DTX1: variants seen among roughly 807,000 people sequenced by gnomAD.
DTX1 encodes deltex E3 ubiquitin ligase 1, also known as E3 ubiquitin-protein ligase DTX1.
In DTX1, 26 loss-of-function variants were observed where a neutral mutation model predicts 57.8. The observed-to-expected ratio is 0.45, with a 90% confidence interval of 0.33 to 0.62. The LOEUF is 0.62. Among genes scored for constraint, DTX1 ranks in the 20% least tolerant of loss-of-function variants. DTX1 has a pLI of 0.02. For synonymous variants in DTX1, 398 were observed against 394.1 expected, an observed-to-expected ratio of 1.01 and a Z score of -0.12; for missense variants, 704 against 895.3, an observed-to-expected ratio of 0.79 and a Z score of 2.73.
Position 113,093,237 on chromosome 12 carries a change from C to G in DTX1, c.1003+14C>G. On this transcript the variant is annotated intron_variant, in intron 4 of 9. Coordinates refer to ENST00000548759, the MANE Select transcript of DTX1 (RefSeq NM_004416.3). This position sits in a 1 kb window ranked among gnomAD's most constrained non-coding sequence, Gnocchi z 4.2. ...CGGCCCTGGCAGGTGAGGTCTGGCC[C>G]AGGGCGGGAAAGAAGGGCGGGGCCC... 1.3e-6 allele frequency: 2 copies of G among 1,586,676 alleles called. No homozygotes were observed. The highest frequency in any genetic ancestry group is 8.6e-7 in the Non-Finnish European group (1 of 1,166,674).
At chr12:113,075,968 G>A (rs7960088) in intron 2 of DTX1, among the ~76,000 whole-genome samples, 12,465 of 151,706 alleles carry the variant, frequency 0.082, 1,667 homozygotes, top group African/African-American at 0.27. Flanking sequence ...AGCGAGGGGG[G>A]GACAGACAGA....
chr12:113,081,896 G>A (rs1328711063), intron 3 of DTX1, among the ~76,000 whole-genome samples: 2 of 152,140 alleles, frequency 1.3e-5, no homozygotes, highest in South Asian at 2.1e-4. Flanking sequence ...CCAAATGGGG[G>A]TACAAGGCCA....
chr12:113,071,942 T>C (rs1377139593), intron 2 of DTX1, among the ~76,000 whole-genome samples: 1 of 152,210 alleles, frequency 6.6e-6, no homozygotes, highest in African/African-American at 2.4e-5. Context: ...AATCGATACC[T>C]GGTAAATAGA....
At chr12:113,092,819 TACACC>T (rs1299224564) in intron 3 of DTX1, among the ~76,000 whole-genome samples, 2 of 152,202 alleles carry the variant, frequency 1.3e-5, no homozygotes, top group African/African-American at 4.8e-5. Flanking sequence ...TTAAAATAGC[TACACC>T]ACTAGTAGTT....
chr12:113,096,744 G>A lies in DTX1; in HGVS notation c.1668G>A (p.Glu556=), dbSNP rs1375688736. 6.2e-7 allele frequency: 1 copy of A among 1,613,464 alleles called. No individual in the cohort carries two copies. The change falls in exon 10 of 10, where the codon GAG becomes GAA. Residue 556 remains glutamate (E), a synonymous_variant. Transcript: ENST00000548759. ...KVLRLLITAW[E]RRLIFTIGTS... Reference sequence around the variant, plus strand: ...TGCGGCTGCTCATCACGGCCTGGGAGAGAAGACTCATCTTCACTATCGGCA... The same window carrying A: ...TGCGGCTGCTCATCACGGCCTGGGAAAGAAGACTCATCTTCACTATCGGCA...
rs1950282069 is a variant in DTX1, at chr12:113,095,367, G to A, written c.1591G>A (p.Gly531Arg). Reference protein sequence around the residue: ...PNPGKKFTARGFPRHCYLPNN... With the variant: ...PNPGKKFTARRFPRHCYLPNN... ...CCCCGGGAAGAAGTTCACCGCAAGA[G>A]GATTCCCTCGCCACTGCTATCTACC... The change falls in exon 9 of 10, where the codon GGA (glycine) becomes AGA (arginine). Residue 531 changes from glycine (G) to arginine (R), a missense_variant. Physicochemically the swap from Gly to Arg is moderately radical, Grantham distance 125. Transcript: ENST00000548759. The A allele has an allele frequency of 6.2e-7, 1 of 1,614,116 alleles. No individual in the cohort carries two copies.
chr12:113,092,309 G>A (rs1349583572), intron 3 of DTX1, among the ~76,000 whole-genome samples: 4 of 141,956 alleles, frequency 2.8e-5, no homozygotes, highest in African/African-American at 1.1e-4. Context: ...TAATTTCACG[G>A]AATCCTCACA....
chr12:113,094,233 A>G (rs1950269113), intron 6 of DTX1, 134 bp downstream of exon 6: 2 of 717,606 alleles, frequency 2.8e-6, no homozygotes, highest in Non-Finnish European at 4.6e-6. Context: ...AGGTTTTTTG[A>G]TGAATAGAAA....
chr12:113,096,034 C>G (rs1266442821), intron 9 of DTX1, among the ~76,000 whole-genome samples: 4 of 151,994 alleles, frequency 2.6e-5, no homozygotes, highest in Non-Finnish European at 5.9e-5. Flanking sequence ...GGTGAAACCC[C>G]GTCTCTACTA....
At chr12:113,072,344 C>T (rs768679677) in intron 2 of DTX1, among the ~76,000 whole-genome samples, 1 of 152,192 alleles carries the variant, frequency 6.6e-6, no homozygotes, top group Non-Finnish European at 1.5e-5. Flanking sequence ...TGAGGACAGA[C>T]ATGCAATAAA....
At chr12:113,087,138 C>T (rs2044866349) in intron 3 of DTX1, among the ~76,000 whole-genome samples, 4 of 149,538 alleles carry the variant, frequency 2.7e-5, no homozygotes, top group African/African-American at 7.7e-5. Context: ...AGAGTGACCC[C>T]CGCAGCCCCC....
In DTX1 at chr12:113,093,461, CGGGATT is replaced by C; in HGVS notation, c.1004-77_1004-72del. The C allele has an allele frequency of 7.3e-7, 1 of 1,367,562 alleles. No homozygotes were observed. Among genetic ancestry groups the C allele is most frequent in the Non-Finnish European group, 9.8e-7 (1 of 1,025,386 alleles). The allele number at this position is 1,367,562 out of a possible 1,614,324, so 84.7% of individuals were successfully genotyped here. On this transcript the variant is annotated intron_variant, in intron 4 of 9. Coordinates refer to ENST00000548759, the MANE Select transcript of DTX1 (RefSeq NM_004416.3). The surrounding 1 kb of genome is among the most constrained non-coding windows in gnomAD (Gnocchi z 4.2). The stretch of plus-strand genomic sequence containing the variant: ...AACCCTCCCACCCACCCGAGGGCCC[CGGGATT>C]CCCAGGGCCAGTGGTCGGGGGTTTG...
intron 8 of DTX1, 21 bp from the exon 9 acceptor site, chr12:113,095,304 C>T: frequency 6.2e-7 from 1 of 1,614,032 alleles, no homozygotes; most frequent in Non-Finnish European, 8.5e-7. Context: ...GTCTAAATCC[C>T]TGTACTGTCC....
At chr12:113,087,271 G>A (rs1314293585) in intron 3 of DTX1, among the ~76,000 whole-genome samples, 2 of 152,160 alleles carry the variant, frequency 1.3e-5, no homozygotes, top group African/African-American at 4.8e-5. Context: ...AGAAGTAAGG[G>A]GTCCCATTTC....
At position 113,096,961 on chromosome 12, in the gene DTX1, C is replaced by T; in HGVS notation, c.*22C>T. On this transcript the variant is annotated 3_prime_UTR_variant, in exon 10 of 10. Transcript: ENST00000548759. ...TTGAGGCCCAAGGCTGCCCACCTTC[C>T]CTCCTGCTTTGCCCCTGGTCCGGCA... The T allele has an allele frequency of 1.9e-6, 3 of 1,595,608 alleles. No homozygotes were observed. Among genetic ancestry groups the T allele is most frequent in the Non-Finnish European group, 2.6e-6 (3 of 1,172,688 alleles).
At chr12:113,083,642 T>C (rs944537869) in intron 3 of DTX1, among the ~76,000 whole-genome samples, 7 of 152,270 alleles carry the variant, frequency 4.6e-5, no homozygotes, top group African/African-American at 7.2e-5. Flanking sequence ...CCAATAATTT[T>C]AATGGCAAAA....
At chr12:113,061,811 G>A (rs1344136125) in intron 2 of DTX1, among the ~76,000 whole-genome samples, 4 of 151,556 alleles carry the variant, frequency 2.6e-5, no homozygotes, top group Non-Finnish European at 5.9e-5. Context: ...AGTGATTCTC[G>A]TGCCTCAACC....
chr12:113,072,464 G>C (rs981748128), intron 2 of DTX1, among the ~76,000 whole-genome samples: 5 of 152,314 alleles, frequency 3.3e-5, no homozygotes, highest in East Asian at 3.9e-4. Flanking sequence ...AGTGAACAAG[G>C]GCTGGGGGAG....
In DTX1 at chr12:113,057,965, C is replaced by G. The variant is rs537638891; in HGVS notation, c.-228C>G. 3 of 653,202 alleles carry G rather than the reference C, an allele frequency of 4.6e-6. No individual in the cohort carries two copies. Among genetic ancestry groups the G allele is most frequent in the East Asian group, 2.8e-5 (1 of 35,434 alleles). The allele number at this position is 653,202 out of a possible 1,614,324, so 40.5% of individuals were successfully genotyped here. A position where few individuals can be genotyped will look rare whatever the true frequency, so the allele number is the denominator to read the frequency against. On this transcript the variant is annotated 5_prime_UTR_variant, in exon 2 of 10. Coordinates refer to ENST00000548759, the MANE Select transcript of DTX1 (RefSeq NM_004416.3). ...AGACACTTGCTTTCCAGGGCAGCAC[C>G]CTTTATCGGAGAAGGCTCTACAGGG...
Sources: allele counts gnomAD v4.1 joint callset (sites outside exome capture counted in the v4.1 genomes callset), GRCh38; gene constraint gnomAD v4.1.1; non-coding constraint Gnocchi (gnomAD v3.1); transcripts MANE v1.5; gene names NCBI Gene and HGNC (gene_info 2026-07-23, HGNC 2026-07-21).